CCDC6: variants seen among roughly 807,000 people sequenced by gnomAD.
The protein encoded by CCDC6 is coiled-coil domain containing 6.
In CCDC6, 20 loss-of-function variants were observed where a neutral mutation model predicts 56.6. The observed-to-expected ratio is 0.35, with a 90% CI of 0.25 to 0.51. The LOEUF is 0.51. Among genes scored for constraint, CCDC6 ranks in the 20% least tolerant of loss-of-function variants. The probability of loss-of-function intolerance (pLI) is 0.95; values close to 1 mark genes in which losing one functional copy is unlikely to be tolerated. For missense variants in CCDC6, 367 were observed against 601.1 expected, an observed-to-expected ratio of 0.61 and a Z score of 4.07; for synonymous variants, 241 against 234.4, an observed-to-expected ratio of 1.03 and a Z score of -0.26.
chr10:59,794,333 G>A, intron 8 of CCDC6, 140 bp downstream of exon 8: 1 of 783,216 alleles, frequency 1.3e-6, no homozygotes, highest in Non-Finnish European at 2.0e-6. Flanking sequence ...AACTGTTTAA[G>A]TCTCTACAGT....
At chr10:59,820,872 T>A (rs1436411521) in intron 3 of CCDC6, among the ~76,000 whole-genome samples, 4 of 151,200 alleles carry the variant, frequency 2.6e-5, no homozygotes, top group Non-Finnish European at 3.0e-5. Flanking sequence ...TTTTTTTTTT[T>A]AAATAAGAGG....
At chr10:59,858,123 C>T (rs762803163) in intron 1 of CCDC6, among the ~76,000 whole-genome samples, 2 of 152,116 alleles carry the variant, frequency 1.3e-5, no homozygotes, top group African/African-American at 2.4e-5. Context: ...ATTTAAGTGC[C>T]GGTGCAGCAG....
chr10:59,866,036 C>T (rs2071174163), intron 1 of CCDC6, among the ~76,000 whole-genome samples: 1 of 152,012 alleles, frequency 6.6e-6, no homozygotes, highest in Admixed American at 6.6e-5. Flanking sequence ...TCTCCCCACG[C>T]CCCATAATAA....
chr10:59,879,701 A>G (rs2071316761), intron 1 of CCDC6, among the ~76,000 whole-genome samples: 1 of 152,104 alleles, frequency 6.6e-6, no homozygotes, highest in Non-Finnish European at 1.5e-5. Flanking sequence ...AATCGCTCCC[A>G]CTTTCTGAAA....
At chr10:59,870,207 T>G (rs1259361824) in intron 1 of CCDC6, among the ~76,000 whole-genome samples, 3 of 152,104 alleles carry the variant, frequency 2.0e-5, no homozygotes, top group Non-Finnish European at 2.9e-5. Context: ...CCGATACTGG[T>G]TAACATATGG....
At chr10:59,831,112 C>T (rs965902942) in intron 3 of CCDC6, among the ~76,000 whole-genome samples, 7 of 152,128 alleles carry the variant, frequency 4.6e-5, no homozygotes, top group African/African-American at 1.7e-4. Context: ...GGGAATTAAA[C>T]GGGTGAAACT....
At chr10:59,811,865 C>G (rs1369022764) in intron 5 of CCDC6, among the ~76,000 whole-genome samples, 1 of 152,008 alleles carries the variant, frequency 6.6e-6, no homozygotes, top group Non-Finnish European at 1.5e-5. Flanking sequence ...TAAACTAGCA[C>G]AGTTCAAACC....
intron 1 of CCDC6, among the ~76,000 whole-genome samples, chr10:59,880,098 C>G (rs2071320223): frequency 6.6e-6 from 1 of 151,998 alleles, no homozygotes; most frequent in African/African-American, 2.4e-5. Context: ...TATTTTTAAT[C>G]CATTCTTTAA....
chr10:59,906,370 T>A lies in CCDC6; in HGVS notation c.55A>T (p.Ser19Cys). The A allele has an allele frequency of 6.3e-7, 1 of 1,593,036 alleles. No individual in the cohort carries two copies. Among genetic ancestry groups the A allele is most frequent in the Admixed American group, 1.7e-5 (1 of 59,652 alleles). The change falls in exon 1 of 9, where the codon AGC becomes TGC. Residue 19 changes from serine (S) to cysteine (C), a missense_variant. Ser to Cys is a moderately radical substitution (Grantham distance 112). Transcript: ENST00000263102. Reference protein sequence around the residue: ...DTDGAGGNSSSSAAMQSSCSS... With the variant: ...DTDGAGGNSSCSAAMQSSCSS... ...CAGGACGACTGCATGGCGGCCGAGC[T>A]GCTGCTGTTGCCCCCCGCCCCGTCC...
At chr10:59,831,099 C>T (rs1389780849) in intron 3 of CCDC6, among the ~76,000 whole-genome samples, 2 of 152,146 alleles carry the variant, frequency 1.3e-5, no homozygotes, top group African/African-American at 2.4e-5. Context: ...TACTGCCTAT[C>T]CTGGGAATTA....
rs1174945966 is a variant in CCDC6, at chr10:59,876,584, A to AG, written c.304-23883dup. The stretch of plus-strand genomic sequence containing the variant: ...CGTGTTATATAAACTACACCTGTTA[A>AG]GGGGGAAAAAAAAAAAAAAAAAAAA... On this transcript the variant is annotated intron_variant, in intron 1 of 8. Transcript: ENST00000263102. 1.3e-4 allele frequency among the ~76,000 whole-genome samples: 16 copies of AG among 121,720 alleles called. No individual in the cohort carries two copies. In the East Asian group the frequency reaches 2.5e-3, roughly 19 times the overall value. 79.9% of individuals were successfully genotyped at this position (121,720 alleles called of 152,430 possible).
chr10:59,819,342 T>C (rs1424837744), intron 3 of CCDC6, among the ~76,000 whole-genome samples: 1 of 152,224 alleles, frequency 6.6e-6, no homozygotes, highest in Non-Finnish European at 1.5e-5. Context: ...GCAGGGCCTC[T>C]TGTTTTTTCA....
At chr10:59,881,690 A>T (rs995566933) in intron 1 of CCDC6, among the ~76,000 whole-genome samples, 4 of 152,344 alleles carry the variant, frequency 2.6e-5, no homozygotes, top group Admixed American at 2.6e-4. Flanking sequence ...GGTAGTATGC[A>T]TTTTGAAAAC....
chr10:59,807,736 G>C (rs1016710491), intron 5 of CCDC6, among the ~76,000 whole-genome samples: 1 of 152,086 alleles, frequency 6.6e-6, no homozygotes, highest in Non-Finnish European at 1.5e-5. Flanking sequence ...TCTCTACATT[G>C]CCAGAGCTGG....
intron 1 of CCDC6, among the ~76,000 whole-genome samples, chr10:59,870,880 CG>C (rs2132668288): frequency 6.6e-6 from 1 of 152,224 alleles, no homozygotes; most frequent in East Asian, 1.9e-4. Context: ...ACCACCAGCC[CG>C]GGACTATTAA....
At chr10:59,801,660 C>T (rs12219485) in intron 7 of CCDC6, among the ~76,000 whole-genome samples, 2,567 of 152,252 alleles carry the variant, frequency 0.017, 55 homozygotes, top group East Asian at 0.09. Flanking sequence ...GGAATTCTCT[C>T]CGTGAGGATC....
intron 1 of CCDC6, among the ~76,000 whole-genome samples, chr10:59,901,047 T>TCA (rs939356171): frequency 1.2e-4 from 18 of 151,812 alleles, no homozygotes; most frequent in African/African-American, 1.7e-4. Flanking sequence ...AATAAAGCTG[T>TCA]CACACACACA....
At chr10:59,812,535 TAC>T in intron 5 of CCDC6, 98 bp downstream of exon 5, 1 of 769,968 alleles carries the variant, frequency 1.3e-6, no homozygotes, top group Non-Finnish European at 2.0e-6. Flanking sequence ...TGAATTTAAT[TAC>T]TGCAAATTCA....
At chr10:59,875,470 C>T (rs1463338795) in intron 1 of CCDC6, among the ~76,000 whole-genome samples, 4 of 152,094 alleles carry the variant, frequency 2.6e-5, no homozygotes, top group African/African-American at 9.7e-5. Flanking sequence ...GGTTCTTGTC[C>T]AGGTGAGCTT....
Sources: gnomAD v4.1 joint callset for allele counts (sites outside exome capture counted in the v4.1 genomes callset) on GRCh38, gnomAD v4.1.1 for gene constraint, MANE v1.5 for transcripts, NCBI Gene and HGNC (gene_info 2026-07-23, HGNC 2026-07-21) for gene names.